EPHA6: variants seen among roughly 807,000 people sequenced by gnomAD.
EPHA6 encodes EPH receptor A6, also known as ephrin type-A receptor 6.
In EPHA6, 50 loss-of-function variants were observed where a neutral mutation model predicts 112.0. The ratio of observed to expected loss-of-function variants is 0.45; its 90% CI spans 0.36 to 0.56. The LOEUF (loss-of-function observed/expected upper bound fraction) is 0.56. Among genes scored for constraint, EPHA6 ranks in the 20% least tolerant of loss-of-function variants. The probability of loss-of-function intolerance (pLI) is 0.00; values close to 1 mark genes in which losing one functional copy is unlikely to be tolerated. For synonymous variants in EPHA6, 529 were observed against 490.7 expected (o/e 1.08, Z -1.03); for missense variants, 1,280 against 1,417.4 (o/e 0.90, Z 1.56).
At chr3:97,256,864 A>T (rs981643575) in intron 5 of EPHA6, among the ~76,000 whole-genome samples, 1 of 151,996 alleles carries the variant, frequency 6.6e-6, no homozygotes, top group Admixed American at 6.5e-5. Context: ...ATGGATTCTC[A>T]TCCAGGAATG....
In EPHA6 at chr3:97,166,241, T is replaced by C. The variant is rs79068191; in HGVS notation, c.1115-60023T>C. Reference sequence around the variant, plus strand: ...CTCAGTTCCAAATACTTACACACTTTAAACAATTAGTTTGATATTAAAATA... The same window carrying C: ...CTCAGTTCCAAATACTTACACACTTCAAACAATTAGTTTGATATTAAAATA... On this transcript the variant is annotated intron_variant, in intron 3 of 17. Transcript: ENST00000389672. Among the ~76,000 whole-genome samples, 13 of 152,254 alleles carry C rather than the reference T, an allele frequency of 8.5e-5. No individual in the cohort carries two copies. In the East Asian group the frequency reaches 2.3e-3, roughly 27 times the overall value.
chr3:97,272,985 G>A (rs1477442952), intron 5 of EPHA6, among the ~76,000 whole-genome samples: 1 of 152,164 alleles, frequency 6.6e-6, no homozygotes, highest in East Asian at 1.9e-4. Flanking sequence ...GCTTCGAGCG[G>A]GATTAGGGGC....
At chr3:96,862,844 A>T (rs1195032613) in intron 1 of EPHA6, among the ~76,000 whole-genome samples, 1 of 151,986 alleles carries the variant, frequency 6.6e-6, no homozygotes, top group Non-Finnish European at 1.5e-5. Context: ...ATTTGTGTTT[A>T]TCATTTGATA....
chr3:97,435,450 G>A (rs766863377), intron 6 of EPHA6, among the ~76,000 whole-genome samples: 12 of 152,186 alleles, frequency 7.9e-5, no homozygotes, highest in Non-Finnish European at 1.8e-4. Context: ...AAAGAACAAA[G>A]TTGTGGAAAG....
chr3:97,077,193 T>C (rs1388503317), intron 3 of EPHA6, among the ~76,000 whole-genome samples: 2 of 152,144 alleles, frequency 1.3e-5, no homozygotes, highest in African/African-American at 4.8e-5. Context: ...CCATTTTACA[T>C]GCCATTAGGA....
rs1451435126 is a variant in EPHA6, at chr3:97,206,772, T to C, written c.1115-19492T>C. On this transcript the variant is annotated intron_variant, in intron 3 of 17. Transcript: ENST00000389672. ...TTCAACCTATACCCCCCTACTTCTC[T>C]ATTAAATCCTGAATGAATAGTAACT... Among the ~76,000 whole-genome samples, 3 of 152,140 alleles carry C rather than the reference T, an allele frequency of 2.0e-5. No individual in the cohort carries two copies. The East Asian group carries it at 5.8e-4, about 29-fold the overall frequency.
intron 10 of EPHA6, among the ~76,000 whole-genome samples, chr3:97,531,038 A>G (rs2092689539): frequency 6.6e-6 from 1 of 152,018 alleles, no homozygotes; most frequent in South Asian, 2.1e-4. Flanking sequence ...AAGATATTTT[A>G]ATTTTAATTT....
rs1238600663 is a variant in EPHA6 at position 96,937,775 on chromosome 3, A to T, written c.451-49555A>T. Among the ~76,000 whole-genome samples, 7 of 152,110 alleles carry T rather than the reference A, an allele frequency of 4.6e-5. No homozygotes were observed. In the South Asian group the frequency reaches 1.5e-3, roughly 32 times the overall value. ...TGAAGTCTTTAATCCATCTTGAATT[A>T]ATTTTTGTATAAGGTGTAAGGAAGG... On this transcript the variant is annotated intron_variant, in intron 2 of 17. Coordinates refer to ENST00000389672, the MANE Select transcript of EPHA6 (RefSeq NM_001080448.3).
At chr3:97,264,568 A>C (rs2079608986) in intron 5 of EPHA6, among the ~76,000 whole-genome samples, 1 of 152,210 alleles carries the variant, frequency 6.6e-6, no homozygotes, top group Admixed American at 6.5e-5. Flanking sequence ...GAAGGCCCAC[A>C]GCTCTTCTTT....
At chr3:97,493,623 C>CTGTGTG (rs373276812) in intron 10 of EPHA6, among the ~76,000 whole-genome samples, 2 of 147,390 alleles carry the variant, frequency 1.4e-5, no homozygotes, top group African/African-American at 5.0e-5. Context: ...ATTTAGTCCT[C>CTGTGTG]TGTGTGTGTG....
chr3:97,137,690 A>C (rs1474548782), intron 3 of EPHA6, among the ~76,000 whole-genome samples: 2 of 152,150 alleles, frequency 1.3e-5, no homozygotes, highest in African/African-American at 4.8e-5. Context: ...AAATTACAGC[A>C]TTTGCCAAAT....
At chr3:97,079,701 T>C (rs1312500667) in intron 3 of EPHA6, among the ~76,000 whole-genome samples, 1 of 151,816 alleles carries the variant, frequency 6.6e-6, no homozygotes, top group Non-Finnish European at 1.5e-5. Context: ...CAAATAACAT[T>C]GAATACTACA....
In EPHA6 at chr3:97,747,560, G is replaced by A. The variant is rs367727637; in HGVS notation, c.3266G>A (p.Arg1089Lys). The change falls in exon 17 of 18, where the codon AGA becomes AAA. Residue 1089 changes from arginine to lysine, a missense_variant. Physicochemically the swap from Arg to Lys is conservative, Grantham distance 26. Transcript: ENST00000389672. Reference protein sequence around the residue: ...AGFTTFDLISRMSIDDIRRIG... With the variant: ...AGFTTFDLISKMSIDDIRRIG... ...TTTACAACATTTGACCTGATTTCAA[G>A]AATGAGCATTGAGTAAGTGATACTA... 4.1e-5 allele frequency: 66 copies of A among 1,606,178 alleles called. No individual in the cohort carries two copies. In the East Asian group the frequency reaches 1.1e-3, roughly 27 times the overall value.
chr3:97,413,314 A>G (rs2087866561), intron 6 of EPHA6, among the ~76,000 whole-genome samples: 1 of 151,930 alleles, frequency 6.6e-6, no homozygotes, highest in Non-Finnish European at 1.5e-5. Context: ...GGAAAAAAGT[A>G]CAGCCATTGG....
At chr3:97,323,247 T>C (rs1340192558) in intron 5 of EPHA6, among the ~76,000 whole-genome samples, 1 of 152,024 alleles carries the variant, frequency 6.6e-6, no homozygotes, top group African/African-American at 2.4e-5. Context: ...TAATTTTGAC[T>C]ATAAAATTAT....
At chr3:97,465,444 A>G (rs1160560728) in intron 7 of EPHA6, among the ~76,000 whole-genome samples, 2 of 152,044 alleles carry the variant, frequency 1.3e-5, no homozygotes, top group Non-Finnish European at 2.9e-5. Flanking sequence ...GAGATGCTGA[A>G]AAAATTGATG....
At chr3:97,082,725 T>G (rs1395326390) in intron 3 of EPHA6, among the ~76,000 whole-genome samples, 1 of 151,864 alleles carries the variant, frequency 6.6e-6, no homozygotes, top group Non-Finnish European at 1.5e-5. Flanking sequence ...ACCTGTAAAA[T>G]AAAAATACCC....
chr3:97,453,091 A>G (rs2107342413), intron 7 of EPHA6, among the ~76,000 whole-genome samples: 1 of 151,912 alleles, frequency 6.6e-6, no homozygotes, highest in South Asian at 2.1e-4. Context: ...GATTTATATA[A>G]CATTAAATTC....
chr3:97,174,539 C>T (rs558790650), intron 3 of EPHA6, among the ~76,000 whole-genome samples: 1 of 152,000 alleles, frequency 6.6e-6, no homozygotes, highest in East Asian at 1.9e-4. Context: ...TCCCTTTTCT[C>T]CACATCCTTG....
Sources: allele counts gnomAD v4.1 joint callset (sites outside exome capture counted in the v4.1 genomes callset), GRCh38; gene constraint gnomAD v4.1.1; transcripts MANE v1.5; gene names NCBI Gene and HGNC (gene_info 2026-07-23, HGNC 2026-07-21).